The following OTULIN variants were observed in gnomAD, a reference collection of about 807,000 sequenced individuals.
OTULIN encodes the protein OTU deubiquitinase with linear linkage specificity.
Under a neutral mutation model 39.6 loss-of-function variants are expected in OTULIN, and 15 were observed. That is an observed-to-expected ratio of 0.38 (90% CI 0.25 to 0.58). The LOEUF is 0.58. Ranked by LOEUF, OTULIN falls within the 20% of genes least tolerant of loss-of-function variation. The probability of loss-of-function intolerance (pLI) is 0.66; values close to 1 mark genes in which losing one functional copy is unlikely to be tolerated. For missense variants in OTULIN, 319 were observed against 445.9 expected (o/e 0.72, Z 2.56); for synonymous variants, 156 against 170.3 (o/e 0.92, Z 0.65).
At chr5:14,686,140 T>G (rs753932359) in intron 4 of OTULIN, among the ~76,000 whole-genome samples, 13 of 152,360 alleles carry the variant, frequency 8.5e-5, no homozygotes, top group Non-Finnish European at 1.9e-4. Context: ...ACCACCTTAG[T>G]TCACACGATT....
intron 6 of OTULIN, among the ~76,000 whole-genome samples, 175 bp from the exon 7 acceptor site, chr5:14,692,679 C>CTTTTTTTTTTTTT (rs33978265): frequency 7.0e-6 from 1 of 143,236 alleles, no homozygotes; most frequent in African/African-American, 2.6e-5. Context: ...TGATTATCTG[C>CTTTTTTTTTTTTT]TTTTTTTTTT....
downstream of OTULIN, among the ~76,000 whole-genome samples, chr5:14,701,183 T>G (rs576178288): frequency 1.9e-4 from 29 of 152,338 alleles, no homozygotes; most frequent in African/African-American, 7.0e-4. Context: ...GCTCAGGGCC[T>G]TCCCATGTAC....
At chr5:14,700,567 C>A (rs1736775524), downstream of OTULIN, among the ~76,000 whole-genome samples, 1 of 149,004 alleles carries the variant, frequency 6.7e-6, no homozygotes, top group African/African-American at 2.5e-5. Flanking sequence ...CCACCCTCCC[C>A]AACCCTCCCC....
rs758370508 is a variant in OTULIN at position 14,690,333 on chromosome 5, T to TTACC, written c.864+26_864+29dup. On this transcript the variant is annotated intron_variant, in intron 6 of 6. Transcript: ENST00000284274. The surrounding 1 kb of genome is among the most constrained non-coding windows in gnomAD (Gnocchi z 4.5). ...GGTAAGTTGTGCTTTTGAGCATGTA[T>TTACC]TACCCCAAAATAAAGCAGCTTTACT... The TTACC allele has an allele frequency of 1.1e-5, 18 of 1,604,560 alleles. No individual in the cohort carries two copies. The highest frequency in any genetic ancestry group is 1.5e-5 in the Non-Finnish European group (18 of 1,175,390).
intron 2 of OTULIN, among the ~76,000 whole-genome samples, chr5:14,676,496 C>T (rs748788311): frequency 2.6e-5 from 4 of 152,204 alleles, no homozygotes; most frequent in Non-Finnish European, 4.4e-5. Flanking sequence ...ACCCATTTTC[C>T]CAACCCTCAC....
rs1324641555 is a variant in OTULIN, at chr5:14,693,083, G to A, written c.*35G>A. Reference sequence around the variant, plus strand: ...GCTCCTGACAGCCTGGCGACGTGGCGAAGATGCACAGGTGGCTCCTGGGCT... The same window carrying A: ...GCTCCTGACAGCCTGGCGACGTGGCAAAGATGCACAGGTGGCTCCTGGGCT... On this transcript the variant is annotated 3_prime_UTR_variant, in exon 7 of 7. Coordinates refer to ENST00000284274, the MANE Select transcript of OTULIN (RefSeq NM_138348.6). 9.0e-6 allele frequency: 14 copies of A among 1,553,600 alleles called. No homozygotes were observed. The highest frequency in any genetic ancestry group is 4.7e-5 in the South Asian group (4 of 85,174).
At chr5:14,705,578 G>A in the OTULIN span, 32 of 152,380 alleles carry the variant, frequency 2.1e-4, no homozygotes, top group African/African-American at 6.7e-4. Context: ...CCACTTTCCC[G>A]AAGCCCTTTG....
the OTULIN span, chr5:14,708,430 G>C: frequency 2.6e-5 from 4 of 152,332 alleles, no homozygotes; most frequent in South Asian, 8.3e-4. Flanking sequence ...GCTGTCAGCT[G>C]AATGCCCTAC....
At chr5:14,677,837 G>A (rs1388200419) in intron 2 of OTULIN, among the ~76,000 whole-genome samples, 1 of 152,124 alleles carries the variant, frequency 6.6e-6, no homozygotes, top group African/African-American at 2.4e-5. Flanking sequence ...TTATTTCTTT[G>A]TATAATGGTT....
chr5:14,664,736 T>G lies in OTULIN; in HGVS notation c.-90T>G. ...GGCCCTCGGAAACCGCCCCGGCGGC[T>G]GAGAGGCTGCGGCCACTGCCTGGCA... On this transcript the variant is annotated 5_prime_UTR_variant, in exon 1 of 7. Coordinates refer to ENST00000284274, the MANE Select transcript of OTULIN (RefSeq NM_138348.6). The G allele has an allele frequency of 9.3e-7, 1 of 1,077,656 alleles. No individual in the cohort carries two copies. Among genetic ancestry groups the G allele is most frequent in the Non-Finnish European group, 1.1e-6 (1 of 887,262 alleles). 66.8% of individuals were successfully genotyped at this position (1,077,656 alleles called of 1,614,324 possible).
rs866615408 is a variant in OTULIN, at chr5:14,699,846, C to T, written c.*6798C>T. On this transcript the variant is annotated 3_prime_UTR_variant, in exon 7 of 7. Transcript: ENST00000284274. ...CTCACCTCCTCACCCCTACCCTTGC[C>T]TTTTGTCTGGGCTCGGTTGCCTGTT... is the stretch of plus-strand genomic sequence containing the variant. The T allele has an allele frequency of 3.3e-5, 5 of 152,200 alleles. No individual in the cohort carries two copies. The allele number at this position is 152,200 out of a possible 1,614,324, so 9.4% of individuals were successfully genotyped here. A position where few individuals can be genotyped will look rare whatever the true frequency, so the allele number is the denominator to read the frequency against.
the OTULIN span, among the ~76,000 whole-genome samples, chr5:14,712,460 C>T: frequency 6.6e-6 from 1 of 152,374 alleles, no homozygotes; most frequent in South Asian, 2.1e-4. Context: ...ACCAGAGAGG[C>T]TGCCCGAGCT....
chr5:14,693,057 T>C lies in OTULIN; in HGVS notation c.*9T>C. Reference sequence around the variant, plus strand: ...AGGAGACCAGTCTATGAGAGACGCATGCTCCTGACAGCCTGGCGACGTGGC... The same window carrying C: ...AGGAGACCAGTCTATGAGAGACGCACGCTCCTGACAGCCTGGCGACGTGGC... On this transcript the variant is annotated 3_prime_UTR_variant, in exon 7 of 7. Transcript: ENST00000284274. 3.1e-6 allele frequency: 5 copies of C among 1,597,724 alleles called. No individual in the cohort carries two copies. The highest frequency in any genetic ancestry group is 4.3e-6 in the Non-Finnish European group (5 of 1,169,050).
the OTULIN span, chr5:14,706,633 G>C: frequency 6.6e-6 from 1 of 152,104 alleles, no homozygotes; most frequent in Non-Finnish European, 1.5e-5. Flanking sequence ...TTGAACATTT[G>C]CATGATTTTA....
chr5:14,676,694 C>T (rs1208951974), intron 2 of OTULIN, among the ~76,000 whole-genome samples: 2 of 152,214 alleles, frequency 1.3e-5, no homozygotes, highest in African/African-American at 4.8e-5. Flanking sequence ...AGATTTCCTT[C>T]CCAGGAGTCC....
Position 14,693,345 on chromosome 5 carries a change from G to T in OTULIN, c.*297G>T. The stretch of plus-strand genomic sequence containing the variant: ...ATACTTTTGTATCAGAGGAAACTCA[G>T]TTTTGGAGAGGAATATGTTCTTTAT... On this transcript the variant is annotated 3_prime_UTR_variant, in exon 7 of 7. Coordinates refer to ENST00000284274, the MANE Select transcript of OTULIN (RefSeq NM_138348.6). 3.7e-6 allele frequency: 1 copy of T among 273,196 alleles called. No homozygotes were observed. Among genetic ancestry groups the T allele is most frequent in the Non-Finnish European group, 6.8e-6 (1 of 146,066 alleles). The allele number at this position is 273,196 out of a possible 1,614,324, so 16.9% of individuals were successfully genotyped here.
In OTULIN at chr5:14,693,263, G is replaced by C. The variant is rs1389806372; in HGVS notation, c.*215G>C. 3.9e-6 allele frequency: 2 copies of C among 508,848 alleles called. No homozygotes were observed. Among genetic ancestry groups the C allele is most frequent in the Non-Finnish European group, 7.0e-6 (2 of 286,080 alleles). The allele number at this position is 508,848 out of a possible 1,614,324, so 31.5% of individuals were successfully genotyped here. ...ATCTATGATGCAATATATTTCAGTG[G>C]GGGCCTTCAGAGCACACCTGTTGGA... On this transcript the variant is annotated 3_prime_UTR_variant, in exon 7 of 7. Coordinates refer to ENST00000284274, the MANE Select transcript of OTULIN (RefSeq NM_138348.6).
Position 14,678,498 on chromosome 5 carries a change from C to G in OTULIN, c.230-183C>G, listed in dbSNP as rs73048803. 8.8e-3 allele frequency among the ~76,000 whole-genome samples: 1,337 copies of G among 152,146 alleles called. 20 individuals carry two copies. Among genetic ancestry groups the G allele is most frequent in the African/African-American group, 0.031 (1,277 of 41,488 alleles). On this transcript the variant is annotated intron_variant, in intron 2 of 6. Transcript: ENST00000284274. The stretch of plus-strand genomic sequence containing the variant: ...TGACAAGGGACACCCATTGGGAGAC[C>G]CCCATGGTTATCTAGGGGTGAGGTG...
intron 2 of OTULIN, 21 bp downstream of exon 2, chr5:14,673,739 T>C (rs772192597): frequency 6.2e-7 from 1 of 1,600,738 alleles, no homozygotes; most frequent in South Asian, 1.1e-5. Context: ...AATTGTTTTA[T>C]TTATAGAGTT....
Sources: allele counts gnomAD v4.1 joint callset (sites outside exome capture counted in the v4.1 genomes callset), GRCh38; gene constraint gnomAD v4.1.1; non-coding constraint Gnocchi (gnomAD v3.1); transcripts MANE v1.5; gene names NCBI Gene and HGNC (gene_info 2026-07-23, HGNC 2026-07-21).